The following ZSWIM9 variants were observed in gnomAD, a reference collection of about 807,000 sequenced individuals.
The protein encoded by ZSWIM9 is zinc finger SWIM-type containing 9, also known as uncharacterized protein ZSWIM9.
Under a neutral mutation model 25.0 loss-of-function variants are expected in ZSWIM9, and 11 were observed. The observed-to-expected ratio is 0.44, with a 90% CI of 0.28 to 0.73. The LOEUF is 0.73. Ranked by LOEUF, ZSWIM9 falls within the 30% of genes least tolerant of loss-of-function variation. The pLI is 0.16. For synonymous variants in ZSWIM9, 562 were observed against 582.1 expected, an observed-to-expected ratio of 0.97 and a Z score of 0.50; for missense variants, 1,070 against 1,296.5, an observed-to-expected ratio of 0.83 and a Z score of 2.68.
chr19:48,197,233 A>G lies in ZSWIM9; in HGVS notation c.*406A>G. 1.4e-6 allele frequency: 1 copy of G among 702,054 alleles called. No individual in the cohort carries two copies. The highest frequency in any genetic ancestry group is 2.6e-6 in the Non-Finnish European group (1 of 384,636). 43.5% of individuals were successfully genotyped at this position (702,054 alleles called of 1,614,324 possible). A position where few individuals can be genotyped will look rare whatever the true frequency, so the allele number is the denominator to read the frequency against. Reference sequence around the variant, plus strand: ...TAGGGAGTGCAGCGGGGAGAGGGGAAAGGGAGAAAGTACAGAAGACAGATG... The same window carrying G: ...TAGGGAGTGCAGCGGGGAGAGGGGAGAGGGAGAAAGTACAGAAGACAGATG... On this transcript the variant is annotated 3_prime_UTR_variant, in exon 4 of 4. Coordinates refer to ENST00000614654, the MANE Select transcript of ZSWIM9 (RefSeq NM_199341.4).
rs2036832527 is a variant in ZSWIM9, at chr19:48,172,071, C to G, written c.269C>G (p.Ala90Gly). 6.7e-7 allele frequency: 1 copy of G among 1,495,570 alleles called. No homozygotes were observed. Among genetic ancestry groups the G allele is most frequent in the African/African-American group, 1.4e-5 (1 of 71,896 alleles). The allele number at this position is 1,495,570 out of a possible 1,614,324, so 92.6% of individuals were successfully genotyped here. A position where few individuals can be genotyped will look rare whatever the true frequency, so the allele number is the denominator to read the frequency against. Residue 90 changes from alanine (A) to glycine (G), a missense_variant, in exon 2 of 4, where the codon GCC becomes GGC. Transcript: ENST00000614654. ...CKDVRAPSRP[A>G]VGPPQPGCPA... is the part of the protein sequence containing the mutation. ...GACGTGCGTGCGCCCAGCCGGCCCG[C>G]CGTGGGGTGCGTGAACCTGAGCCGC...
In ZSWIM9 at chr19:48,195,946, A is replaced by AG. The variant is rs2123463510; in HGVS notation, c.1888dup (p.Ala630GlyfsTer6). The AG allele has an allele frequency of 1.5e-6, 2 of 1,327,792 alleles. No homozygotes were observed. The highest frequency in any genetic ancestry group is 1.9e-6 in the Non-Finnish European group (2 of 1,043,514). 82.3% of individuals were successfully genotyped at this position (1,327,792 alleles called of 1,614,324 possible). On this transcript the variant is annotated frameshift_variant, in exon 4 of 4. Coordinates refer to ENST00000614654, the MANE Select transcript of ZSWIM9 (RefSeq NM_199341.4). LOFTEE classifies it low-confidence loss of function (END_TRUNC). The surrounding 1 kb of genome is among the most constrained non-coding windows in gnomAD (Gnocchi z 5.8). ...CAGGAGTCTTGAAGGAAGCCCCTGG[A>AG]GGGGGGCGCAGCTGCACGATGAAAG... is the stretch of plus-strand genomic sequence containing the variant.
chr19:48,180,583 T>C (rs1387886705), intron 2 of ZSWIM9, among the ~76,000 whole-genome samples: 1 of 151,908 alleles, frequency 6.6e-6, no homozygotes, highest in Non-Finnish European at 1.5e-5. Flanking sequence ...TAATCCAGAC[T>C]CTCCCCATCT....
chr19:48,187,540 A>G (rs2037038786), intron 3 of ZSWIM9: 1 of 58,024 alleles, frequency 1.7e-5, no homozygotes, highest in African/African-American at 6.8e-5. Flanking sequence ...TATTATTATT[A>G]TATTATATTA....
At position 48,178,357 on chromosome 19, in the gene ZSWIM9, T is replaced by G. The variant is rs577259766; in HGVS notation, c.276-4098T>G. Reference sequence around the variant, plus strand: ...AAAGAAAATTTTTAAGCATTTATACTGGTGGATTTAAGCATTTCTCTGGGT... The same window carrying G: ...AAAGAAAATTTTTAAGCATTTATACGGGTGGATTTAAGCATTTCTCTGGGT... On this transcript the variant is annotated intron_variant, in intron 2 of 3. Transcript: ENST00000614654. Among the ~76,000 whole-genome samples the G allele has an allele frequency of 2.6e-5, 4 of 152,270 alleles. No individual in the cohort carries two copies. The South Asian group carries it at 8.3e-4, about 32-fold the overall frequency.
At chr19:48,185,438 T>C (rs994145658) in intron 3 of ZSWIM9, among the ~76,000 whole-genome samples, 1 of 152,096 alleles carries the variant, frequency 6.6e-6, no homozygotes, top group Non-Finnish European at 1.5e-5. Flanking sequence ...CCCAGCCCCT[T>C]AATGCTCTTG....
At position 48,195,979 on chromosome 19, in the gene ZSWIM9, G is replaced by A. The variant is rs2037159518; in HGVS notation, c.1915G>A (p.Gly639Arg). ...GCAGCTGCACGATGAAAGGGCAGGG[G>A]GACTGAGAACTGCAGAATGGAAGGG... Reference protein sequence around the residue: ...GAQLHDERAGGLRTAEWKGPQ... With the variant: ...GAQLHDERAGRLRTAEWKGPQ... The change falls in exon 4 of 4, where the codon GGA (glycine) becomes AGA (arginine). Residue 639 changes from glycine (G) to arginine (R), a missense_variant. Coordinates refer to ENST00000614654, the MANE Select transcript of ZSWIM9 (RefSeq NM_199341.4). The surrounding 1 kb of genome is among the most constrained non-coding windows in gnomAD (Gnocchi z 5.8). The A allele has an allele frequency of 1.4e-5, 19 of 1,311,104 alleles. No homozygotes were observed. Among genetic ancestry groups the A allele is most frequent in the Non-Finnish European group, 1.8e-5 (19 of 1,034,110 alleles). The allele number at this position is 1,311,104 out of a possible 1,614,324, so 81.2% of individuals were successfully genotyped here.
intron 1 of ZSWIM9, 27 bp from the exon 2 acceptor site, chr19:48,171,767 C>A: frequency 6.6e-7 from 1 of 1,511,760 alleles, no homozygotes; most frequent in Non-Finnish European, 8.8e-7. Flanking sequence ...GGTCTGATAT[C>A]CACCTGTTCT....
At chr19:48,183,621 C>A (rs2036978416) in intron 3 of ZSWIM9, among the ~76,000 whole-genome samples, 1 of 148,140 alleles carries the variant, frequency 6.8e-6, no homozygotes, top group South Asian at 2.1e-4. Context: ...ATGACAAATG[C>A]TATGTAAGTT....
At chr19:48,185,229 T>C (rs2036996354) in intron 3 of ZSWIM9, among the ~76,000 whole-genome samples, 1 of 147,942 alleles carries the variant, frequency 6.8e-6, no homozygotes. Context: ...AACCTCCGCC[T>C]CCCGGGTTCA....
Position 48,195,056 on chromosome 19 carries a change from A to G in ZSWIM9, c.992A>G (p.Glu331Gly), listed in dbSNP as rs1483090364. 1 of 1,378,472 alleles carries G rather than the reference A, an allele frequency of 7.3e-7. No individual in the cohort carries two copies. Among genetic ancestry groups the G allele is most frequent in the Admixed American group, 3.8e-5 (1 of 26,648 alleles). The allele number at this position is 1,378,472 out of a possible 1,614,324, so 85.4% of individuals were successfully genotyped here. The change falls in exon 4 of 4, where the codon GAG (glutamate) becomes GGG (glycine). Residue 331 changes from glutamate to glycine, a missense_variant. By Grantham distance (98) the Glu-to-Gly change is moderately conservative. Coordinates refer to ENST00000614654, the MANE Select transcript of ZSWIM9 (RefSeq NM_199341.4). The surrounding 1 kb of genome is among the most constrained non-coding windows in gnomAD (Gnocchi z 5.8). ...GAGACGCTCTTCAGCAAGGCGCAGG[A>G]GCTGGGCGGCGCCGGCCGCGAGGAC... The part of the protein sequence containing the change: ...GLETLFSKAQ[E>G]LGGAGREDPG...
intron 3 of ZSWIM9, chr19:48,190,733 G>T (rs2037084045): frequency 6.6e-6 from 1 of 152,568 alleles, no homozygotes; most frequent in Admixed American, 6.6e-5. Context: ...GTCTGAATAT[G>T]GGGCTCGTGT....
intron 2 of ZSWIM9, among the ~76,000 whole-genome samples, chr19:48,180,325 AT>A (rs33956249): frequency 1.1e-3 from 157 of 140,332 alleles, no homozygotes; most frequent in Middle Eastern, 7.4e-3. Flanking sequence ...CATTCTTCCA[AT>A]TTTTTTTTTT....
intron 3 of ZSWIM9, among the ~76,000 whole-genome samples, chr19:48,184,019 A>AT: frequency 6.6e-6 from 1 of 151,982 alleles, no homozygotes; most frequent in East Asian, 1.9e-4. Context: ...AGTTTGATGA[A>AT]TGTTCTCAAG....
intron 2 of ZSWIM9, chr19:48,181,906 A>C (rs1311663242): frequency 2.6e-5 from 4 of 152,668 alleles, no homozygotes; most frequent in African/African-American, 9.7e-5. Flanking sequence ...GGGTGCATAA[A>C]AATATACATG....
chr19:48,197,334 A>G lies in ZSWIM9; in HGVS notation c.*507A>G. On this transcript the variant is annotated 3_prime_UTR_variant, in exon 4 of 4. Transcript: ENST00000614654. ...GAGAGAGGACAAGCAAAGAGACAGA[A>G]ATGAAGACATGAGGAAAAGCTGGGG... 1 of 700,916 alleles carries G rather than the reference A, an allele frequency of 1.4e-6. No homozygotes were observed. The highest frequency in any genetic ancestry group is 2.6e-6 in the Non-Finnish European group (1 of 383,980). 43.4% of individuals were successfully genotyped at this position (700,916 alleles called of 1,614,324 possible). A position where few individuals can be genotyped will look rare whatever the true frequency, so the allele number is the denominator to read the frequency against.
intron 3 of ZSWIM9, among the ~76,000 whole-genome samples, chr19:48,185,900 C>T (rs980514587): frequency 3.3e-5 from 5 of 152,186 alleles, no homozygotes; most frequent in African/African-American, 1.2e-4. Context: ...GCACAAGAAT[C>T]GCTTGAACCC....
chr19:48,190,824 T>C (rs1187710651), intron 3 of ZSWIM9, among the ~76,000 whole-genome samples: 1 of 152,216 alleles, frequency 6.6e-6, no homozygotes, highest in Non-Finnish European at 1.5e-5. Flanking sequence ...AGAGGGAATA[T>C]TTTCTATGCC....
At chr19:48,179,881 C>T (rs913621300) in intron 2 of ZSWIM9, among the ~76,000 whole-genome samples, 4 of 152,162 alleles carry the variant, frequency 2.6e-5, no homozygotes, top group Non-Finnish European at 4.4e-5. Context: ...GTCAGGCGGC[C>T]AATATGGGTC....
Sources: allele counts gnomAD v4.1 joint callset (sites outside exome capture counted in the v4.1 genomes callset), GRCh38; gene constraint gnomAD v4.1.1; non-coding constraint Gnocchi (gnomAD v3.1); transcripts MANE v1.5; gene names NCBI Gene and HGNC (gene_info 2026-07-23, HGNC 2026-07-21).